SPMIP2: variants seen among roughly 807,000 people sequenced by gnomAD.
SPMIP2 encodes the protein sperm microtubule inner protein 2.
chr4:158,974,657 A>G, the SPMIP2 span, among the ~76,000 whole-genome samples: 1 of 152,156 alleles, frequency 6.6e-6, no homozygotes, highest in African/African-American at 2.4e-5. Context: ...TTATGGCTGC[A>G]TAGTTATTGC....
chr4:159,034,067 G>A, the SPMIP2 span, among the ~76,000 whole-genome samples: 1 of 152,252 alleles, frequency 6.6e-6, no homozygotes, highest in Non-Finnish European at 1.5e-5. Context: ...AACCTGGGAG[G>A]TGGAGGGTGC....
At chr4:158,927,989 C>G in the SPMIP2 span, among the ~76,000 whole-genome samples, 1 of 152,230 alleles carries the variant, frequency 6.6e-6, no homozygotes, top group Admixed American at 6.5e-5. Context: ...TTCCCACCCC[C>G]TCTGTGGGCT....
chr4:158,993,637 G>A, the SPMIP2 span, among the ~76,000 whole-genome samples: 1 of 152,064 alleles, frequency 6.6e-6, no homozygotes, highest in African/African-American at 2.4e-5. Flanking sequence ...CTGAGTGCTT[G>A]GAATATAGCA....
the SPMIP2 span, among the ~76,000 whole-genome samples, chr4:158,983,046 G>A: frequency 6.6e-6 from 1 of 152,198 alleles, no homozygotes; most frequent in Non-Finnish European, 1.5e-5. Flanking sequence ...CGATCAACTG[G>A]AAGAAAGGGT....
chr4:158,917,720 CTTTTTTTT>C, the SPMIP2 span, among the ~76,000 whole-genome samples: 2 of 70,288 alleles, frequency 2.8e-5, no homozygotes, highest in Non-Finnish European at 5.2e-5. Context: ...CACTATTTGA[CTTTTTTTT>C]TTTTTTTTTT....
chr4:158,907,651 A>G, the SPMIP2 span: 3 of 152,332 alleles, frequency 2.0e-5, no homozygotes, highest in Middle Eastern at 3.4e-3. Context: ...TTGTTCATGC[A>G]TACTTCCACG....
At chr4:158,904,537 T>G in the SPMIP2 span, 1 of 1,612,630 alleles carries the variant, frequency 6.2e-7, no homozygotes, top group East Asian at 2.2e-5. Context: ...GCTCAAATAC[T>G]CTTATAAGCT....
At chr4:158,897,359 T>C in the SPMIP2 span, among the ~76,000 whole-genome samples, 1 of 152,342 alleles carries the variant, frequency 6.6e-6, no homozygotes, top group East Asian at 1.9e-4. Context: ...ATATACCCAG[T>C]AATGGGATGG....
chr4:159,079,409 G>A, the SPMIP2 span, among the ~76,000 whole-genome samples: 1 of 152,176 alleles, frequency 6.6e-6, no homozygotes, highest in African/African-American at 2.4e-5. Context: ...ACCAGACACC[G>A]AATCTGCTGG....
the SPMIP2 span, among the ~76,000 whole-genome samples, chr4:158,937,056 G>C: frequency 6.6e-6 from 1 of 152,194 alleles, no homozygotes; most frequent in South Asian, 2.1e-4. Context: ...CAATGCTACA[G>C]GTCCGTTTTA....
At chr4:158,939,346 C>G in the SPMIP2 span, among the ~76,000 whole-genome samples, 1 of 152,134 alleles carries the variant, frequency 6.6e-6, no homozygotes, top group Non-Finnish European at 1.5e-5. Context: ...ACTAATCATT[C>G]AACTTCAAAA....
At chr4:158,900,639 C>G in the SPMIP2 span, among the ~76,000 whole-genome samples, 1 of 152,116 alleles carries the variant, frequency 6.6e-6, no homozygotes, top group Non-Finnish European at 1.5e-5. Flanking sequence ...TCTGTTTTAT[C>G]AGGACTAGGA....
chr4:159,049,594 C>T, the SPMIP2 span, among the ~76,000 whole-genome samples: 6 of 152,174 alleles, frequency 3.9e-5, no homozygotes, highest in Admixed American at 3.9e-4. Flanking sequence ...TATTCCAAAG[C>T]TTCTCTTCTA....
chr4:158,970,127 G>A, the SPMIP2 span, among the ~76,000 whole-genome samples: 101 of 152,300 alleles, frequency 6.6e-4, no homozygotes, highest in African/African-American at 2.4e-3. Flanking sequence ...TTGAATGCAT[G>A]GAGTGTATGT....
the SPMIP2 span, among the ~76,000 whole-genome samples, chr4:159,078,640 T>C: frequency 6.6e-6 from 1 of 152,232 alleles, no homozygotes; most frequent in Non-Finnish European, 1.5e-5. Context: ...GAAAGCTTGA[T>C]GACTGCATGG....
chr4:159,024,317 G>A, the SPMIP2 span, among the ~76,000 whole-genome samples: 1 of 152,144 alleles, frequency 6.6e-6, no homozygotes, highest in Non-Finnish European at 1.5e-5. Context: ...GATATCTTTG[G>A]TCAAAGGGGG....
At chr4:158,985,055 C>A in the SPMIP2 span, among the ~76,000 whole-genome samples, 1 of 150,072 alleles carries the variant, frequency 6.7e-6, no homozygotes, top group Non-Finnish European at 1.5e-5. Context: ...AATTCCTCGA[C>A]ACATACACCC....
At chr4:158,893,671 TA>T in the SPMIP2 span, 1 of 1,580,414 alleles carries the variant, frequency 6.3e-7, no homozygotes, top group Non-Finnish European at 8.6e-7. Flanking sequence ...TTTCTCCTTC[TA>T]AAAGCAGGTT....
the SPMIP2 span, among the ~76,000 whole-genome samples, chr4:158,921,513 T>C: frequency 6.6e-6 from 1 of 152,052 alleles, no homozygotes; most frequent in Non-Finnish European, 1.5e-5. Context: ...TCGCTCTTTC[T>C]CCCTCCTATT....
Sources: allele counts gnomAD v4.1 joint callset (sites outside exome capture counted in the v4.1 genomes callset), GRCh38; gene constraint gnomAD v4.1.1; transcripts MANE v1.5; gene names NCBI Gene and HGNC (gene_info 2026-07-23, HGNC 2026-07-21).